Variants in SRPK1 observed in about 807,000 individuals in gnomAD.
SRPK1 encodes SRSF protein kinase 1, also known as SFRS protein kinase 1.
SRPK1 carries 52 observed loss-of-function variants against 89.5 expected under a neutral mutation model. The observed-to-expected ratio is 0.58, with a 90% CI of 0.46 to 0.73. The LOEUF (loss-of-function observed/expected upper bound fraction) is 0.73. SRPK1 is among the 30% of genes least tolerant of loss of function. The pLI is 0.00. For missense variants in SRPK1, 603 were observed against 780.6 expected, an observed-to-expected ratio of 0.77 and a Z score of 2.71; for synonymous variants, 255 against 270.2, an observed-to-expected ratio of 0.94 and a Z score of 0.55.
chr6:35,886,359 C>T (rs1770409741), intron 6 of SRPK1, among the ~76,000 whole-genome samples: 2 of 152,268 alleles, frequency 1.3e-5, no homozygotes, highest in South Asian at 2.1e-4. Flanking sequence ...GGATTACAGG[C>T]TTGAGCCACC....
At chr6:35,841,919 A>G (rs1443672953) in intron 14 of SRPK1, among the ~76,000 whole-genome samples, 1 of 151,950 alleles carries the variant, frequency 6.6e-6, no homozygotes, top group African/African-American at 2.4e-5. Flanking sequence ...GGATGCCATC[A>G]TAATAGAAAA....
At position 35,874,338 on chromosome 6, in the gene SRPK1, A is replaced by G. The variant is rs779624659; in HGVS notation, c.480T>C (p.His160=). The change falls in exon 7 of 16, where the codon CAT becomes CAC. Residue 160 remains histidine (H), a splice_region_variant and synonymous_variant. Transcript: ENST00000373825. ...CCAAAACTTCAAATACCATGCAGAT[A>G]TCTAGGAATTCATTAAGGAGGGAAA... ...DFKISGVNGT[H]ICMVFEVLGH... 1 of 1,609,578 alleles carries G rather than the reference A, an allele frequency of 6.2e-7. No individual in the cohort carries two copies.
Position 35,876,784 on chromosome 6 carries a change from GACA to G in SRPK1, c.479-2448_479-2446del, listed in dbSNP as rs764764836. On this transcript the variant is annotated intron_variant, in intron 6 of 15. Coordinates refer to ENST00000373825, the MANE Select transcript of SRPK1 (RefSeq NM_003137.5). The stretch of plus-strand genomic sequence containing the variant: ...AAACAACAGAAGACTCTGGACATCA[GACA>G]ACAAGTACAGTGATCCCTGAAAAAA... Among the ~76,000 whole-genome samples the G allele has an allele frequency of 5.9e-5, 9 of 152,314 alleles. 1 individual carries two copies. The East Asian group carries it at 1.2e-3, about 20-fold the overall frequency.
chr6:35,852,056 T>TG (rs1769568418), intron 13 of SRPK1, among the ~76,000 whole-genome samples: 1 of 152,182 alleles, frequency 6.6e-6, no homozygotes, highest in Non-Finnish European at 1.5e-5. Context: ...TGGTGAAAGC[T>TG]GAAAGCCTTC....
intron 13 of SRPK1, among the ~76,000 whole-genome samples, chr6:35,847,748 T>C (rs1005737545): frequency 6.6e-6 from 1 of 151,952 alleles, no homozygotes; most frequent in African/African-American, 2.4e-5. Context: ...CACTGAAAAC[T>C]ATAAAATGCT....
chr6:35,890,651 T>C (rs1770500522), intron 3 of SRPK1, among the ~76,000 whole-genome samples: 2 of 152,244 alleles, frequency 1.3e-5, no homozygotes, highest in Non-Finnish European at 2.9e-5. Flanking sequence ...AACACAGCTC[T>C]GAAATTTTCT....
Position 35,870,312 on chromosome 6 carries a change from G to A in SRPK1, c.960C>T (p.Asn320=), listed in dbSNP as rs79626108. ...TTTCTTGGGTCATTTTATTAGGTGG[G>A]TTCTCTTTCAAGGGTCTTTCAACAG... The part of the protein sequence containing the change: ...ESPVERPLKE[N]PPNKMTQEKL... The change falls in exon 10 of 16, where the codon AAC becomes AAT. Residue 320 remains asparagine, a synonymous_variant. Transcript: ENST00000373825. 1.9e-6 allele frequency: 3 copies of A among 1,613,368 alleles called. No individual in the cohort carries two copies. The highest frequency in any genetic ancestry group is 2.2e-5 in the East Asian group (1 of 44,890).
At chr6:35,885,711 T>C (rs1487183388) in intron 6 of SRPK1, among the ~76,000 whole-genome samples, 2 of 152,214 alleles carry the variant, frequency 1.3e-5, no homozygotes, top group Non-Finnish European at 2.9e-5. Flanking sequence ...TTTAGATTTA[T>C]CCAATCTAAG....
intron 7 of SRPK1, among the ~76,000 whole-genome samples, chr6:35,873,958 CT>C (rs1770100445): frequency 6.6e-6 from 1 of 151,830 alleles, no homozygotes; most frequent in Admixed American, 6.6e-5. Context: ...TCCCGAGTAG[CT>C]TGGGACTACA....
rs66743101 is a variant in SRPK1 at position 35,843,333 on chromosome 6, TC to T, written c.1621-730del. ...GAGATTCTGTACCAAACAAAAAAAA[TC>T]AAAAAAAAAAAAAAATTCAGACTTC... On this transcript the variant is annotated intron_variant, in intron 13 of 15. Transcript: ENST00000373825. Among the ~76,000 whole-genome samples the T allele has an allele frequency of 5.6e-4, 77 of 138,516 alleles. 1 individual carries two copies. The highest frequency in any genetic ancestry group is 3.7e-3 in the Middle Eastern group (1 of 268). The allele number at this position is 138,516 out of a possible 152,430, so 90.9% of individuals were successfully genotyped here. A position where few individuals can be genotyped will look rare whatever the true frequency, so the allele number is the denominator to read the frequency against.
Position 35,834,674 on chromosome 6 carries a change from T to C in SRPK1, c.*630A>G, listed in dbSNP as rs1382123636. ...AGACTGAAGATTCAAAGATCTTAAC[T>C]ATTAAAGGATGAAAGGAATTTGACA... On this transcript the variant is annotated 3_prime_UTR_variant, in exon 16 of 16. Coordinates refer to ENST00000373825, the MANE Select transcript of SRPK1 (RefSeq NM_003137.5). 1 of 152,190 alleles carries C rather than the reference T, an allele frequency of 6.6e-6. No homozygotes were observed. Among genetic ancestry groups the C allele is most frequent in the African/African-American group, 2.4e-5 (1 of 41,436 alleles). 9.4% of individuals were successfully genotyped at this position (152,190 alleles called of 1,614,324 possible). A position where few individuals can be genotyped will look rare whatever the true frequency, so the allele number is the denominator to read the frequency against.
At chr6:35,890,494 T>C (rs1290553703) in intron 3 of SRPK1, among the ~76,000 whole-genome samples, 1 of 152,190 alleles carries the variant, frequency 6.6e-6, no homozygotes, top group Non-Finnish European at 1.5e-5. Context: ...CATTTAAGTG[T>C]CTGTCATTCC....
At chr6:35,911,693 G>A (rs376251331) in intron 2 of SRPK1, among the ~76,000 whole-genome samples, 2 of 152,030 alleles carry the variant, frequency 1.3e-5, no homozygotes, top group African/African-American at 4.8e-5. Context: ...GGCCTCCGAA[G>A]TAGCTAGGAC....
In SRPK1 at chr6:35,874,301, G is replaced by T; in HGVS notation, c.517C>A (p.Leu173Ile). 6.2e-7 allele frequency: 1 copy of T among 1,613,394 alleles called. No individual in the cohort carries two copies. Among genetic ancestry groups the T allele is most frequent in the Non-Finnish European group, 8.5e-7 (1 of 1,179,676 alleles). Residue 173 changes from leucine to isoleucine, a missense_variant, in exon 7 of 16, where the codon CTC (leucine) becomes ATC (isoleucine). Transcript: ENST00000373825. The part of the protein sequence containing the change: ...MVFEVLGHHL[L>I]KWIIKSNYQG... The stretch of plus-strand genomic sequence containing the variant: ...TAATTGGATTTGATGATCCACTTGA[G>T]CAGATGATGCCCCAAAACTTCAAAT...
At chr6:35,874,405 T>C in intron 6 of SRPK1, 66 bp from the exon 7 acceptor site, 1 of 1,037,794 alleles carries the variant, frequency 9.6e-7, no homozygotes. Flanking sequence ...AGCTGTGAAT[T>C]CCACCCTATT....
At chr6:35,883,877 G>A (rs149717754) in intron 6 of SRPK1, among the ~76,000 whole-genome samples, 156 of 152,052 alleles carry the variant, frequency 1.0e-3, no homozygotes, top group African/African-American at 3.6e-3. Context: ...TGGGACTACA[G>A]GCGCCTGCCA....
intron 13 of SRPK1, among the ~76,000 whole-genome samples, chr6:35,853,130 T>C (rs1392013900): frequency 6.6e-6 from 1 of 151,930 alleles, no homozygotes; most frequent in African/African-American, 2.4e-5. Flanking sequence ...GTCCTAGGCA[T>C]GTGCCCATAT....
At chr6:35,847,525 T>C (rs185787734) in intron 13 of SRPK1, among the ~76,000 whole-genome samples, 177 of 152,056 alleles carry the variant, frequency 1.2e-3, no homozygotes, top group African/African-American at 4.2e-3. Flanking sequence ...ATCCTATATA[T>C]AGAAAACCCT....
At chr6:35,882,269 ATT>A (rs34445728) in intron 6 of SRPK1, among the ~76,000 whole-genome samples, 39 of 147,390 alleles carry the variant, frequency 2.6e-4, no homozygotes, top group South Asian at 1.3e-3. Context: ...ACTGGTCACA[ATT>A]TTTTTTTTTT....
Sources: gnomAD v4.1 joint callset for allele counts (sites outside exome capture counted in the v4.1 genomes callset) on GRCh38, gnomAD v4.1.1 for gene constraint, MANE v1.5 for transcripts, NCBI Gene and HGNC (gene_info 2026-07-23, HGNC 2026-07-21) for gene names.